MRPL13: variants seen among roughly 807,000 people sequenced by gnomAD.
MRPL13 encodes the protein large ribosomal subunit protein uL13m.
A neutral mutation model predicts 29.0 loss-of-function variants in MRPL13; 33 were observed. The ratio of observed to expected loss-of-function variants is 1.14; its 90% CI spans 0.86 to 1.52. MRPL13 has a LOEUF of 1.52. Among genes scored for constraint, MRPL13 ranks in the 40% most tolerant of loss-of-function variants. MRPL13 has a pLI of 0.00. For synonymous variants in MRPL13, 77 were observed against 68.4 expected (o/e 1.13, Z -0.62); for missense variants, 227 against 216.7 (o/e 1.05, Z -0.30).
At chr8:120,397,568 C>T (rs1563769067) in intron 6 of MRPL13, among the ~76,000 whole-genome samples, 4 of 152,148 alleles carry the variant, frequency 2.6e-5, no homozygotes, top group African/African-American at 7.2e-5. Flanking sequence ...AAGGAGGAGT[C>T]GCCCACAATG....
At chr8:120,443,011 A>G (rs575252592) in intron 2 of MRPL13, among the ~76,000 whole-genome samples, 174 bp downstream of exon 2, 29 of 152,296 alleles carry the variant, frequency 1.9e-4, no homozygotes, top group African/African-American at 7.0e-4. Flanking sequence ...ACGGTTTTCC[A>G]GTGAATAAGC....
chr8:120,438,716 A>G (rs1162490907), intron 2 of MRPL13, among the ~76,000 whole-genome samples: 1 of 152,236 alleles, frequency 6.6e-6, no homozygotes, highest in Non-Finnish European at 1.5e-5. Context: ...ACTGAAGTGG[A>G]ATGGGGAATT....
At chr8:120,443,999 T>C (rs138706453) in intron 1 of MRPL13, among the ~76,000 whole-genome samples, 1 of 152,268 alleles carries the variant, frequency 6.6e-6, no homozygotes, top group Non-Finnish European at 1.5e-5. Context: ...TCTATGCATA[T>C]ACACAAGAGG....
intron 1 of MRPL13, among the ~76,000 whole-genome samples, chr8:120,444,435 G>A (rs1196272145): frequency 2.0e-5 from 3 of 152,112 alleles, no homozygotes; most frequent in Non-Finnish European, 1.5e-5. Context: ...AAACCTTGGG[G>A]TAATCCTTGT....
chr8:120,443,617 CTTTTTTT>C (rs80023422), intron 1 of MRPL13, among the ~76,000 whole-genome samples: 7 of 137,202 alleles, frequency 5.1e-5, no homozygotes, highest in African/African-American at 7.9e-5. Flanking sequence ...TACGGTATGA[CTTTTTTT>C]TTTTTTTTTG....
At position 120,413,980 on chromosome 8, in the gene MRPL13, G is replaced by A; in HGVS notation, c.515+11C>T. On this transcript the variant is annotated intron_variant, in intron 6 of 6. Transcript: ENST00000306185. ...AAAAGAAAAAAAAACAAGAAGAAGG[G>A]AAACACTTACGGAGTCCACAATCTT... The A allele has an allele frequency of 1.3e-6, 2 of 1,520,286 alleles. No individual in the cohort carries two copies. Among genetic ancestry groups the A allele is most frequent in the Middle Eastern group, 1.8e-4 (1 of 5,662 alleles). 94.2% of individuals were successfully genotyped at this position (1,520,286 alleles called of 1,614,324 possible).
intron 6 of MRPL13, among the ~76,000 whole-genome samples, chr8:120,409,791 C>A (rs900494725): frequency 6.6e-6 from 1 of 152,026 alleles, no homozygotes; most frequent in African/African-American, 2.4e-5. Flanking sequence ...TATAAAATGG[C>A]TTTTAGTTTT....
At chr8:120,427,058 A>G (rs1812938341) in intron 3 of MRPL13, among the ~76,000 whole-genome samples, 1 of 152,194 alleles carries the variant, frequency 6.6e-6, no homozygotes, top group African/African-American at 2.4e-5. Context: ...GGAAAACAGA[A>G]GAAATTACAA....
intron 6 of MRPL13, among the ~76,000 whole-genome samples, chr8:120,397,018 A>T (rs1411469453): frequency 6.6e-6 from 1 of 152,220 alleles, no homozygotes; most frequent in Non-Finnish European, 1.5e-5. Context: ...GAAAGAACTA[A>T]GGAAATCAGG....
At chr8:120,420,042 A>G in intron 4 of MRPL13, 104 bp from the exon 5 acceptor site, 1 of 657,954 alleles carries the variant, frequency 1.5e-6, no homozygotes, top group Non-Finnish European at 2.3e-6. Flanking sequence ...TAGATTCAAC[A>G]CGAATATAGG....
intron 6 of MRPL13, 109 bp downstream of exon 6, chr8:120,413,882 C>CA: frequency 7.6e-7 from 1 of 1,315,258 alleles, no homozygotes; most frequent in South Asian, 2.5e-5. Context: ...CCCAGGGGAG[C>CA]AAAAAAATGA....
At chr8:120,410,553 A>C (rs1419233709) in intron 6 of MRPL13, among the ~76,000 whole-genome samples, 1 of 152,218 alleles carries the variant, frequency 6.6e-6, no homozygotes, top group East Asian at 1.9e-4. Flanking sequence ...CAATAACTAA[A>C]ATAGCATAGT....
rs1292589622 is a variant in MRPL13, at chr8:120,419,951, C to A, written c.307-13G>T. On this transcript the variant is annotated splice_polypyrimidine_tract_variant and intron_variant, in intron 4 of 6. Transcript: ENST00000306185. Reference sequence around the variant, plus strand: ...CTAGTTTTACAATCTGAAAGATATACATAGGACACAATAAGAAAATTGTGA... The same window carrying A: ...CTAGTTTTACAATCTGAAAGATATAAATAGGACACAATAAGAAAATTGTGA... 6.6e-7 allele frequency: 1 copy of A among 1,521,572 alleles called. No individual in the cohort carries two copies. The highest frequency in any genetic ancestry group is 8.9e-7 in the Non-Finnish European group (1 of 1,127,428). The allele number at this position is 1,521,572 out of a possible 1,614,324, so 94.3% of individuals were successfully genotyped here.
In MRPL13 at chr8:120,419,844, T is replaced by C. The variant is rs761081068; in HGVS notation, c.393+8A>G. ...GAAAAGCATTGTTACCAATGACCAC[T>C]GACTTACCTCATCTGGAAAAAGATG... On this transcript the variant is annotated splice_region_variant and intron_variant, in intron 5 of 6. Transcript: ENST00000306185. 8.2e-6 allele frequency: 13 copies of C among 1,585,630 alleles called. No individual in the cohort carries two copies. The highest frequency in any genetic ancestry group is 1.2e-5 in the South Asian group (1 of 85,244).
At chr8:120,422,258 A>G (rs886880700) in intron 4 of MRPL13, among the ~76,000 whole-genome samples, 7 of 151,742 alleles carry the variant, frequency 4.6e-5, no homozygotes, top group Non-Finnish European at 8.9e-5. Context: ...ACAAAAAATG[A>G]TATTTTTAGG....
intron 5 of MRPL13, among the ~76,000 whole-genome samples, chr8:120,418,729 C>T (rs924003897): frequency 6.6e-5 from 10 of 151,984 alleles, no homozygotes; most frequent in African/African-American, 2.2e-4. Flanking sequence ...AGTGACAATA[C>T]AATCAGAAAT....
chr8:120,443,129 T>C, intron 2 of MRPL13, 56 bp downstream of exon 2: 1 of 1,398,704 alleles, frequency 7.1e-7, no homozygotes, highest in East Asian at 2.7e-5. Context: ...TTCATCAAGA[T>C]TCTATTCTGG....
intron 3 of MRPL13, 54 bp from the exon 4 acceptor site, chr8:120,425,420 T>A: frequency 8.8e-7 from 1 of 1,141,674 alleles, no homozygotes; most frequent in Non-Finnish European, 1.3e-6. Flanking sequence ...ACTGTATTCT[T>A]AAACTGATCA....
intron 6 of MRPL13, among the ~76,000 whole-genome samples, chr8:120,409,549 T>C (rs57952976): frequency 0.056 from 8,558 of 152,238 alleles, 486 homozygotes; most frequent in African/African-American, 0.14. Context: ...AAGATAGTGC[T>C]ATTTTTTTCC....
Sources: allele counts gnomAD v4.1 joint callset (sites outside exome capture counted in the v4.1 genomes callset), GRCh38; gene constraint gnomAD v4.1.1; transcripts MANE v1.5; gene names NCBI Gene and HGNC (gene_info 2026-07-23, HGNC 2026-07-21).